The following ANO3 variants were observed in gnomAD, a reference collection of about 807,000 sequenced individuals.
ANO3 encodes anoctamin-3.
Under a neutral mutation model 144.8 loss-of-function variants are expected in ANO3, and 99 were observed. The observed-to-expected ratio is 0.68, with a 90% confidence interval of 0.58 to 0.81. The LOEUF is 0.81. Ranked by LOEUF, ANO3 falls within the 30% of genes least tolerant of loss-of-function variation. ANO3 has a pLI of 0.00. For missense variants in ANO3, 905 were observed against 1,202.2 expected (o/e 0.75, Z 3.66); for synonymous variants, 414 against 392.6 (o/e 1.05, Z -0.64).
In ANO3 at chr11:26,630,823, C is replaced by T. The variant is rs530601848; in HGVS notation, c.1874-3381C>T. Among the ~76,000 whole-genome samples, 4 of 152,236 alleles carry T rather than the reference C, an allele frequency of 2.6e-5. No individual in the cohort carries two copies. In the East Asian group the frequency reaches 5.8e-4, roughly 22 times the overall value. On this transcript the variant is annotated intron_variant, in intron 18 of 26. Coordinates refer to ENST00000256737, the MANE Select transcript of ANO3 (RefSeq NM_031418.4). ...ACTATGCTGTATTAAGTCAATATTACGTTAATCTCACCAAGCAAGTTGAAT... is the reference window on the plus strand; with the variant it reads ...ACTATGCTGTATTAAGTCAATATTATGTTAATCTCACCAAGCAAGTTGAAT...
At chr11:26,298,192 C>T (rs1036104760) in intron 1 of ANO3, among the ~76,000 whole-genome samples, 1 of 152,082 alleles carries the variant, frequency 6.6e-6, no homozygotes, top group Non-Finnish European at 1.5e-5. Flanking sequence ...GCCAAAGGAG[C>T]TTGCCCAAAT....
At chr11:26,297,560 C>G (rs1018181908) in intron 1 of ANO3, among the ~76,000 whole-genome samples, 4 of 152,128 alleles carry the variant, frequency 2.6e-5, no homozygotes, top group African/African-American at 9.7e-5. Context: ...CTTTAGTTTT[C>G]CAAGATGATA....
chr11:26,463,382 A>G (rs1024154037), intron 4 of ANO3, among the ~76,000 whole-genome samples: 2 of 151,878 alleles, frequency 1.3e-5, no homozygotes, highest in Admixed American at 6.6e-5. Context: ...TCTGAAATGT[A>G]AAATTATTCA....
rs185367328 is a variant in ANO3 at position 26,378,119 on chromosome 11, T to C, written c.46+45798T>C. ...TGAAGGCCTGATATGCAAAATAGAA[T>C]GCAGAATAAGGAAATGAAATGTGAG... On this transcript the variant is annotated intron_variant, in intron 1 of 26. Coordinates refer to ENST00000256737, the MANE Select transcript of ANO3 (RefSeq NM_031418.4). 2.8e-4 allele frequency among the ~76,000 whole-genome samples: 42 copies of C among 152,052 alleles called. 1 individual carries two copies. The highest frequency in any genetic ancestry group is 2.8e-3 in the Admixed American group (42 of 15,246).
At chr11:26,280,510 G>A (rs1393076195) in intron 1 of ANO3, among the ~76,000 whole-genome samples, 1 of 152,166 alleles carries the variant, frequency 6.6e-6, no homozygotes, top group Non-Finnish European at 1.5e-5. Context: ...GGGGAAACAT[G>A]TAGGCAGGAA....
At chr11:26,553,211 T>C in intron 12 of ANO3, 38 bp from the exon 13 acceptor site, 1 of 1,277,276 alleles carries the variant, frequency 7.8e-7, no homozygotes, top group Non-Finnish European at 1.1e-6. Context: ...AGTTTCATGC[T>C]ATGTTTTGTT....
chr11:26,317,871 A>G (rs1324773333), intron 1 of ANO3, among the ~76,000 whole-genome samples: 1 of 152,236 alleles, frequency 6.6e-6, no homozygotes, highest in Non-Finnish European at 1.5e-5. Flanking sequence ...ATGCCCATCA[A>G]TGATAGACTG....
At chr11:26,602,039 G>T (rs1376609052) in intron 17 of ANO3, among the ~76,000 whole-genome samples, 2 of 152,172 alleles carry the variant, frequency 1.3e-5, no homozygotes, top group Admixed American at 6.5e-5. Context: ...TCTATTGCAC[G>T]TGAAATGGGA....
In ANO3 at chr11:26,663,100, T is replaced by C. The variant is rs1853925150; in HGVS notation, c.*2656T>C. 1 of 152,372 alleles carries C rather than the reference T, an allele frequency of 6.6e-6. No individual in the cohort carries two copies. Among genetic ancestry groups the C allele is most frequent in the Non-Finnish European group, 1.5e-5 (1 of 67,988 alleles). The allele number at this position is 152,372 out of a possible 1,614,324, so 9.4% of individuals were successfully genotyped here. ...ATGTGTGGAAAATCACCATAGATCA[T>C]GGCTGAAATAGTTTGTAATTGTCTG... On this transcript the variant is annotated 3_prime_UTR_variant, in exon 27 of 27. Coordinates refer to ENST00000256737, the MANE Select transcript of ANO3 (RefSeq NM_031418.4).
At chr11:26,262,719 A>AACACACACACACACACACACAC (rs144643690) in intron 1 of ANO3, among the ~76,000 whole-genome samples, 268 of 149,184 alleles carry the variant, frequency 1.8e-3, no homozygotes, top group East Asian at 0.014. Context: ...CCTTATAGTA[A>AACACACACACACACACACACAC]ACACACACAC....
intron 1 of ANO3, among the ~76,000 whole-genome samples, chr11:26,202,957 T>A (rs1182195000): frequency 6.6e-6 from 1 of 152,004 alleles, no homozygotes; most frequent in East Asian, 1.9e-4. Context: ...GTTAAATGAG[T>A]ACTAATGGAG....
intron 1 of ANO3, among the ~76,000 whole-genome samples, chr11:26,280,246 T>C (rs1411514164): frequency 6.6e-6 from 1 of 152,190 alleles, no homozygotes; most frequent in Non-Finnish European, 1.5e-5. Flanking sequence ...GTGTCACCTC[T>C]TTTTATTATC....
chr11:26,337,175 G>A (rs928501977), intron 1 of ANO3, among the ~76,000 whole-genome samples: 1 of 152,106 alleles, frequency 6.6e-6, no homozygotes, highest in Non-Finnish European at 1.5e-5. Context: ...AAACACAAGT[G>A]TCTGGGACTG....
intron 14 of ANO3, among the ~76,000 whole-genome samples, chr11:26,580,919 G>T (rs1405779047): frequency 6.6e-6 from 1 of 152,178 alleles, no homozygotes; most frequent in Non-Finnish European, 1.5e-5. Context: ...CTGATTGATG[G>T]GCCACTGGTG....
intron 13 of ANO3, among the ~76,000 whole-genome samples, chr11:26,558,669 T>A (rs1176987876): frequency 6.6e-6 from 1 of 152,168 alleles, no homozygotes; most frequent in African/African-American, 2.4e-5. Context: ...GATGATATTA[T>A]CAATAATGCC....
intron 17 of ANO3, among the ~76,000 whole-genome samples, chr11:26,612,377 T>A (rs556156356): frequency 6.6e-6 from 1 of 151,722 alleles, no homozygotes; most frequent in South Asian, 2.1e-4. Flanking sequence ...ACATAAAAAA[T>A]ACCATAGGCT....
upstream of ANO3, among the ~76,000 whole-genome samples, chr11:26,307,533 A>G (rs1590249041): frequency 6.6e-6 from 1 of 151,940 alleles, no homozygotes; most frequent in East Asian, 1.9e-4. Flanking sequence ...AAATGTCTCT[A>G]CTAAAAATTT....
At chr11:26,358,211 C>T (rs1420989156) in intron 1 of ANO3, among the ~76,000 whole-genome samples, 2 of 118,184 alleles carry the variant, frequency 1.7e-5, no homozygotes, top group Non-Finnish European at 3.2e-5. Context: ...CTCACTCTGT[C>T]GTCAGGCTGG....
chr11:26,661,930 C>T lies in ANO3; in HGVS notation c.*1486C>T, dbSNP rs1443384372. On this transcript the variant is annotated 3_prime_UTR_variant, in exon 27 of 27. Transcript: ENST00000256737. ...AGGAAATCACACATATGCACACATA[C>T]ATATTTATGGTTACTATGATTGTTA... The T allele has an allele frequency of 2.6e-5, 4 of 151,840 alleles. No individual in the cohort carries two copies. The highest frequency in any genetic ancestry group is 2.1e-4 in the South Asian group (1 of 4,818). The allele number at this position is 151,840 out of a possible 1,614,324, so 9.4% of individuals were successfully genotyped here. A position where few individuals can be genotyped will look rare whatever the true frequency, so the allele number is the denominator to read the frequency against.
Sources: gnomAD v4.1 joint callset for allele counts (sites outside exome capture counted in the v4.1 genomes callset) on GRCh38, gnomAD v4.1.1 for gene constraint, MANE v1.5 for transcripts, NCBI Gene and HGNC (gene_info 2026-07-23, HGNC 2026-07-21) for gene names.